TAFA1: variants seen among roughly 807,000 people sequenced by gnomAD.
TAFA1 encodes chemokine-like protein TAFA-1.
TAFA1 carries 4 observed loss-of-function variants against 18.5 expected under a neutral mutation model. The observed-to-expected ratio is 0.22, with a 90% CI of 0.11 to 0.49. The LOEUF is 0.49. Among genes scored for constraint, TAFA1 ranks in the 20% least tolerant of loss-of-function variants. The probability of loss-of-function intolerance (pLI) is 0.98; values close to 1 mark genes in which losing one functional copy is unlikely to be tolerated. For missense variants in TAFA1, 147 were observed against 169.0 expected, an observed-to-expected ratio of 0.87 and a Z score of 0.72; for synonymous variants, 56 against 55.2, an observed-to-expected ratio of 1.01 and a Z score of -0.06.
intron 2 of TAFA1, among the ~76,000 whole-genome samples, chr3:68,201,559 C>G (rs1480520033): frequency 6.6e-6 from 1 of 151,718 alleles, no homozygotes; most frequent in Non-Finnish European, 1.5e-5. Context: ...TTTTGATGCT[C>G]TGTTATTAGG....
At chr3:68,385,855 A>G (rs1263892471) in intron 2 of TAFA1, among the ~76,000 whole-genome samples, 1 of 152,124 alleles carries the variant, frequency 6.6e-6, no homozygotes, top group Non-Finnish European at 1.5e-5. Flanking sequence ...GTTTTGATAC[A>G]TATAGCATGC....
rs201563353 is a variant in TAFA1 at position 68,232,613 on chromosome 3, G to GT, written c.119-184658dup. Reference sequence around the variant, plus strand: ...CATATGGTAATTCTATTTTTAGTGGGTTTTTTTTTCTCTTTTTTTAGTAGC... The same window carrying GT: ...CATATGGTAATTCTATTTTTAGTGGGTTTTTTTTTTCTCTTTTTTTAGTAGC... On this transcript the variant is annotated intron_variant, in intron 2 of 4. Transcript: ENST00000478136. Among the ~76,000 whole-genome samples, 385 of 150,976 alleles carry GT rather than the reference G, an allele frequency of 2.6e-3. 5 individuals are homozygous for GT. Among genetic ancestry groups the GT allele is most frequent in the East Asian group, 0.015 (76 of 5,130 alleles).
rs540971118 is a variant in TAFA1 at position 68,063,653 on chromosome 3, C to A, written c.118+56909C>A. ...GAAAAATCACTTAGGGTTCTTACTACAGGTATTTTGAAATTACAGTCATTA... is the reference window on the plus strand; with the variant it reads ...GAAAAATCACTTAGGGTTCTTACTAAAGGTATTTTGAAATTACAGTCATTA... On this transcript the variant is annotated intron_variant, in intron 2 of 4. Coordinates refer to ENST00000478136, the MANE Select transcript of TAFA1 (RefSeq NM_213609.4). 2.0e-5 allele frequency among the ~76,000 whole-genome samples: 3 copies of A among 152,242 alleles called. No homozygotes were observed. In the East Asian group the frequency reaches 5.8e-4, roughly 29 times the overall value.
chr3:68,508,774 G>A (rs941503151), intron 3 of TAFA1, among the ~76,000 whole-genome samples: 22 of 152,200 alleles, frequency 1.4e-4, no homozygotes, highest in Admixed American at 3.9e-4. Flanking sequence ...AGGTAGATTC[G>A]TAGTGTTGGA....
At position 68,544,929 on chromosome 3, in the gene TAFA1, T is replaced by C. The variant is rs888483129; in HGVS notation, c.*426T>C. 6.6e-6 allele frequency: 1 copy of C among 152,204 alleles called. No individual in the cohort carries two copies. The highest frequency in any genetic ancestry group is 2.4e-5 in the African/African-American group (1 of 41,424). 9.4% of individuals were successfully genotyped at this position (152,204 alleles called of 1,614,324 possible). A position where few individuals can be genotyped will look rare whatever the true frequency, so the allele number is the denominator to read the frequency against. On this transcript the variant is annotated 3_prime_UTR_variant, in exon 5 of 5. Transcript: ENST00000478136. Reference sequence around the variant, plus strand: ...GTTTTGGATGTTTTGTCTGTTTTGCTTTGTTTTGTTAGTCATTTCTTTTTC... The same window carrying C: ...GTTTTGGATGTTTTGTCTGTTTTGCCTTGTTTTGTTAGTCATTTCTTTTTC...
intron 2 of TAFA1, among the ~76,000 whole-genome samples, chr3:68,066,152 C>G (rs1013763277): frequency 1.3e-5 from 2 of 151,996 alleles, no homozygotes; most frequent in African/African-American, 4.8e-5. Flanking sequence ...ATGCATATAT[C>G]AAAATTTATC....
chr3:68,370,491 T>C (rs1400429752), intron 2 of TAFA1, among the ~76,000 whole-genome samples: 4 of 94,326 alleles, frequency 4.2e-5, no homozygotes, highest in Non-Finnish European at 6.4e-5. Flanking sequence ...TATATATATA[T>C]ATATATATAT....
chr3:68,122,597 A>C (rs1227558841), intron 2 of TAFA1, among the ~76,000 whole-genome samples: 1 of 152,210 alleles, frequency 6.6e-6, no homozygotes, highest in Non-Finnish European at 1.5e-5. Context: ...ACCATACCCT[A>C]ATGAAATTCA....
chr3:68,139,013 C>T (rs1369394500), intron 2 of TAFA1, among the ~76,000 whole-genome samples: 2 of 152,092 alleles, frequency 1.3e-5, no homozygotes, highest in Non-Finnish European at 2.9e-5. Flanking sequence ...TTAATTACTG[C>T]CCTTGAGTGT....
rs57372768 is a variant in TAFA1 at position 68,521,856 on chromosome 3, GTTTTT to G, written c.260-16884_260-16880del. Among the ~76,000 whole-genome samples the G allele has an allele frequency of 7.1e-5, 5 of 70,858 alleles. No homozygotes were observed. The Admixed American group carries it at 7.4e-4, about 10-fold the overall frequency. 46.5% of individuals were successfully genotyped at this position (70,858 alleles called of 152,430 possible). On this transcript the variant is annotated intron_variant, in intron 3 of 4. Coordinates refer to ENST00000478136, the MANE Select transcript of TAFA1 (RefSeq NM_213609.4). ...TCTGGGTTTTTCTGTGTTTTTTTCTGTTTTTTTTTTTTTTTTTTTTGGAGATAGGG... is the reference window on the plus strand; with the variant it reads ...TCTGGGTTTTTCTGTGTTTTTTTCTGTTTTTTTTTTTTTTTGGAGATAGGG...
At chr3:68,204,851 A>T (rs2066507899) in intron 2 of TAFA1, among the ~76,000 whole-genome samples, 1 of 151,840 alleles carries the variant, frequency 6.6e-6, no homozygotes, top group Admixed American at 6.6e-5. Context: ...AAAGATATAC[A>T]GTTACCTAGT....
chr3:68,345,443 A>G (rs1028139671), intron 2 of TAFA1, among the ~76,000 whole-genome samples: 18 of 152,192 alleles, frequency 1.2e-4, no homozygotes, highest in Non-Finnish European at 2.4e-4. Context: ...GAATATAGAA[A>G]TAGAGCTGCC....
intron 2 of TAFA1, among the ~76,000 whole-genome samples, chr3:68,314,136 T>G (rs1313087898): frequency 6.6e-6 from 1 of 152,198 alleles, no homozygotes; most frequent in Admixed American, 6.5e-5. Context: ...AGTGTTTGGT[T>G]GTTGTTTTTC....
intron 3 of TAFA1, among the ~76,000 whole-genome samples, chr3:68,437,919 A>G (rs1455734362): frequency 6.6e-6 from 1 of 152,112 alleles, no homozygotes; most frequent in Non-Finnish European, 1.5e-5. Flanking sequence ...TTTTTTGTGA[A>G]ATCAAAACAA....
At chr3:68,315,169 T>C (rs1482204705) in intron 2 of TAFA1, among the ~76,000 whole-genome samples, 1 of 152,138 alleles carries the variant, frequency 6.6e-6, no homozygotes, top group East Asian at 1.9e-4. Flanking sequence ...CATGCCCTTT[T>C]CCAGTCCCAC....
In TAFA1 at chr3:68,532,221, G is replaced by A. The variant is rs543879102; in HGVS notation, c.260-6535G>A. 2.0e-5 allele frequency among the ~76,000 whole-genome samples: 3 copies of A among 152,278 alleles called. No homozygotes were observed. The East Asian group carries it at 5.8e-4, about 29-fold the overall frequency. The stretch of plus-strand genomic sequence containing the variant: ...ACCCTGAGGTTATAGAAAGAATAGG[G>A]GCTCGGGTCTTCCCAGGAGGAGGAG... On this transcript the variant is annotated intron_variant, in intron 3 of 4. Transcript: ENST00000478136.
chr3:68,508,167 G>A (rs991094653), intron 3 of TAFA1, among the ~76,000 whole-genome samples: 2 of 152,042 alleles, frequency 1.3e-5, no homozygotes, highest in African/African-American at 4.8e-5. Flanking sequence ...TAAGGTGGAA[G>A]AGGAGTTTTC....
intron 2 of TAFA1, among the ~76,000 whole-genome samples, chr3:68,121,680 T>C (rs981397589): frequency 2.0e-5 from 3 of 152,198 alleles, no homozygotes; most frequent in Admixed American, 1.3e-4. Flanking sequence ...AAAATACTAG[T>C]ATATAAATGT....
intron 3 of TAFA1, among the ~76,000 whole-genome samples, chr3:68,469,694 G>C (rs2071959240): frequency 6.6e-6 from 1 of 152,052 alleles, no homozygotes; most frequent in Non-Finnish European, 1.5e-5. Flanking sequence ...GGAAAATTCA[G>C]AGAGAGAGAT....
Sources: gnomAD v4.1 joint callset for allele counts (sites outside exome capture counted in the v4.1 genomes callset) on GRCh38, gnomAD v4.1.1 for gene constraint, MANE v1.5 for transcripts, NCBI Gene and HGNC (gene_info 2026-07-23, HGNC 2026-07-21) for gene names.